The following ROR2 variants were observed in gnomAD, a reference collection of about 807,000 sequenced individuals.
ROR2 encodes the protein tyrosine-protein kinase transmembrane receptor ROR2.
A neutral mutation model predicts 74.9 loss-of-function variants in ROR2; 33 were observed. The observed-to-expected ratio is 0.44, with a 90% CI of 0.33 to 0.59. The LOEUF (loss-of-function observed/expected upper bound fraction) is 0.59, where lower values mean the gene tolerates loss of function less well. Ranked by LOEUF, ROR2 falls within the 20% of genes least tolerant of loss-of-function variation. ROR2 has a pLI of 0.02. For synonymous variants in ROR2, 586 were observed against 558.7 expected (o/e 1.05, Z -0.69); for missense variants, 1,216 against 1,313.8 (o/e 0.93, Z 1.15).
intron 7 of ROR2, among the ~76,000 whole-genome samples, chr9:91,729,572 A>G (rs1242212621): frequency 4.6e-5 from 7 of 152,204 alleles, no homozygotes; most frequent in Non-Finnish European, 8.8e-5. Context: ...CCTGCACCCC[A>G]GGAGGAGATC....
intron 1 of ROR2, chr9:91,948,738 G>A (rs957966458): frequency 2.0e-5 from 20 of 985,318 alleles, no homozygotes; most frequent in African/African-American, 3.5e-5. Flanking sequence ...CAGGGATGGG[G>A]GATACTGAAG....
At chr9:91,766,462 G>A (rs58210546) in intron 2 of ROR2, among the ~76,000 whole-genome samples, 8,005 of 152,142 alleles carry the variant, frequency 0.053, 281 homozygotes, top group East Asian at 0.1. Flanking sequence ...ATTTTATTGA[G>A]CACTCATATG....
At chr9:91,919,647 C>G (rs1831217515) in intron 1 of ROR2, among the ~76,000 whole-genome samples, 1 of 152,150 alleles carries the variant, frequency 6.6e-6, no homozygotes, top group Non-Finnish European at 1.5e-5. Context: ...CCATTCAGCT[C>G]TAAGTCTCCT....
At chr9:91,902,746 T>C (rs1830705742) in intron 1 of ROR2, among the ~76,000 whole-genome samples, 1 of 152,224 alleles carries the variant, frequency 6.6e-6, no homozygotes, top group African/African-American at 2.4e-5. Flanking sequence ...TTATCTGCAC[T>C]GGCAAAACAA....
chr9:91,945,662 AAAAAG>A (rs1355530030), intron 1 of ROR2, among the ~76,000 whole-genome samples: 1 of 152,220 alleles, frequency 6.6e-6, no homozygotes, highest in Non-Finnish European at 1.5e-5. Flanking sequence ...GATAGGACTT[AAAAAG>A]AAAACACCCA....
chr9:91,845,006 G>A (rs1280747600), intron 1 of ROR2, among the ~76,000 whole-genome samples: 1 of 152,196 alleles, frequency 6.6e-6, no homozygotes, highest in East Asian at 1.9e-4. Flanking sequence ...ATGCATTCAT[G>A]ACACAGTTCA....
chr9:91,772,097 A>G (rs144367679), intron 2 of ROR2, among the ~76,000 whole-genome samples: 62 of 152,340 alleles, frequency 4.1e-4, no homozygotes, highest in Middle Eastern at 3.4e-3. Flanking sequence ...CTAATCATAT[A>G]AGGAAGGGGC....
chr9:91,827,309 A>G (rs984401809), intron 1 of ROR2, among the ~76,000 whole-genome samples: 11 of 151,958 alleles, frequency 7.2e-5, no homozygotes, highest in Non-Finnish European at 1.3e-4. Context: ...AGGTTTTGCT[A>G]TATCATTTTT....
At chr9:91,774,287 TC>T (rs1826342362) in intron 2 of ROR2, among the ~76,000 whole-genome samples, 1 of 152,146 alleles carries the variant, frequency 6.6e-6, no homozygotes, top group Non-Finnish European at 1.5e-5. Context: ...TGGGCAGAGC[TC>T]CACCTGCTCT....
chr9:91,831,374 A>G (rs971998079), intron 1 of ROR2, among the ~76,000 whole-genome samples: 1 of 152,154 alleles, frequency 6.6e-6, no homozygotes. Flanking sequence ...GAGGAATCAA[A>G]TATCTTCTTG....
chr9:91,732,989 T>C, intron 6 of ROR2, 133 bp downstream of exon 6: 1 of 911,340 alleles, frequency 1.1e-6, no homozygotes, highest in Non-Finnish European at 1.6e-6. Flanking sequence ...TGTGGGGCCC[T>C]CGGCTGCTAA....
At chr9:91,914,755 G>C (rs1406685363) in intron 1 of ROR2, among the ~76,000 whole-genome samples, 1 of 152,152 alleles carries the variant, frequency 6.6e-6, no homozygotes, top group East Asian at 1.9e-4. Context: ...GCCACGGCAG[G>C]TGTAGATCTG....
rs567454383 is a variant in ROR2, at chr9:91,783,407, A to G, written c.98-7589T>C. Among the ~76,000 whole-genome samples, 37 of 152,306 alleles carry G rather than the reference A, an allele frequency of 2.4e-4. No individual in the cohort carries two copies. In the South Asian group the frequency reaches 7.5e-3, roughly 31 times the overall value. On this transcript the variant is annotated intron_variant, in intron 1 of 8. Transcript: ENST00000375708. Reference sequence around the variant, plus strand: ...TGAGTGCCTCGCTGAGAAGGGATGGATAGGCTCTCTGGGCTAAGTACAGGT... The same window carrying G: ...TGAGTGCCTCGCTGAGAAGGGATGGGTAGGCTCTCTGGGCTAAGTACAGGT...
chr9:91,772,293 AATC>A (rs1466963928), intron 2 of ROR2, among the ~76,000 whole-genome samples: 1 of 152,216 alleles, frequency 6.6e-6, no homozygotes, highest in Non-Finnish European at 1.5e-5. Context: ...ATGATCCACC[AATC>A]ATCACGATGG....
chr9:91,865,098 A>G (rs1431532213), intron 1 of ROR2, among the ~76,000 whole-genome samples: 3 of 152,056 alleles, frequency 2.0e-5, no homozygotes, highest in African/African-American at 7.2e-5. Context: ...TAAGGCTAAA[A>G]GTTTTTTTTT....
intron 1 of ROR2, among the ~76,000 whole-genome samples, chr9:91,814,585 C>G: frequency 6.6e-6 from 1 of 152,176 alleles, no homozygotes; most frequent in East Asian, 1.9e-4. Context: ...TGTTACATAC[C>G]ACTCTTTGGA....
intron 1 of ROR2, among the ~76,000 whole-genome samples, chr9:91,864,780 T>C (rs1829579579): frequency 6.6e-6 from 1 of 152,214 alleles, no homozygotes. Context: ...ACTTTCACCA[T>C]AACTTGAGCA....
At chr9:91,909,467 C>T (rs945019558) in intron 1 of ROR2, among the ~76,000 whole-genome samples, 30 of 152,072 alleles carry the variant, frequency 2.0e-4, no homozygotes, top group Admixed American at 3.3e-4. Flanking sequence ...CTGACTCATC[C>T]TCCCGAGTAG....
intron 7 of ROR2, among the ~76,000 whole-genome samples, chr9:91,730,457 C>A (rs747666901): frequency 6.6e-6 from 1 of 151,948 alleles, no homozygotes; most frequent in Non-Finnish European, 1.5e-5. Context: ...CAATAACTTG[C>A]GTTATTTATT....
Sources: gnomAD v4.1 joint callset for allele counts (sites outside exome capture counted in the v4.1 genomes callset) on GRCh38, gnomAD v4.1.1 for gene constraint, MANE v1.5 for transcripts, NCBI Gene and HGNC (gene_info 2026-07-23, HGNC 2026-07-21) for gene names.